AFF2: variants seen among roughly 807,000 people sequenced by gnomAD.
AFF2 encodes the protein AF4/FMR2 family member 2.
AFF2 carries 14 observed loss-of-function variants against 76.9 expected under a neutral mutation model. The observed-to-expected ratio is 0.18, with a 90% CI of 0.12 to 0.28. AFF2 has a LOEUF of 0.28. AFF2 is among the 10% of genes least tolerant of loss of function. The pLI is 1.00. For missense variants in AFF2, 868 were observed against 1,001.1 expected, an observed-to-expected ratio of 0.87 and a Z score of 1.79; for synonymous variants, 398 against 366.7, an observed-to-expected ratio of 1.09 and a Z score of -0.98.
At chrX:148,797,658 G>A (rs782206859) in intron 3 of AFF2, among the ~76,000 whole-genome samples, 1 of 111,065 alleles carries the variant, frequency 9.0e-6, no homozygotes, top group African/African-American at 3.3e-5. Flanking sequence ...TTTTCCTTTC[G>A]TGACTTTCTA....
rs1383706979 is a variant in AFF2 at position 148,576,704 on chromosome X, C to A, written c.48-75295C>A. The stretch of plus-strand genomic sequence containing the variant: ...GCACATTTTGAATATAACGTTTAAC[C>A]GAAAAGGTGGCTACCCACCAAAAAC... On this transcript the variant is annotated intron_variant, in intron 1 of 20. Coordinates refer to ENST00000370460, the MANE Select transcript of AFF2 (RefSeq NM_002025.4). Among the ~76,000 whole-genome samples, 3 of 110,606 alleles carry A rather than the reference C, an allele frequency of 2.7e-5. No homozygotes were observed. In the East Asian group the frequency reaches 8.6e-4, roughly 32 times the overall value.
chrX:148,766,684 T>C (rs1172578621), intron 3 of AFF2, among the ~76,000 whole-genome samples: 2 of 110,698 alleles, frequency 1.8e-5, no homozygotes, highest in Non-Finnish European at 3.8e-5. Flanking sequence ...TAGTTTCTTT[T>C]GCTGTGCAGA....
intron 2 of AFF2, among the ~76,000 whole-genome samples, chrX:148,652,426 A>C (rs1245505855): frequency 1.8e-5 from 2 of 111,342 alleles, no homozygotes; most frequent in Admixed American, 1.9e-4. Flanking sequence ...CCCCCTTGAC[A>C]CTTTCTACTG....
At chrX:148,690,619 C>G (rs1358011164) in intron 3 of AFF2, among the ~76,000 whole-genome samples, 1 of 112,297 alleles carries the variant, frequency 8.9e-6, no homozygotes, top group Non-Finnish European at 1.9e-5. Flanking sequence ...TTTAGAGGCA[C>G]TATGGCTTAC....
intron 7 of AFF2, among the ~76,000 whole-genome samples, chrX:148,875,254 G>C (rs141524587): frequency 1.0e-3 from 114 of 112,103 alleles, no homozygotes; most frequent in Middle Eastern, 4.6e-3. Flanking sequence ...TTTTCAATCA[G>C]GTTATAAAGC....
chrX:148,614,738 T>TTTTCTTTCTTTCTTTC lies in AFF2; in HGVS notation c.48-37222_48-37207dup, dbSNP rs563984440. 9.8e-4 allele frequency among the ~76,000 whole-genome samples: 54 copies of TTTTCTTTCTTTCTTTC among 55,282 alleles called. 2 individuals are homozygous for TTTTCTTTCTTTCTTTC. Among genetic ancestry groups the TTTTCTTTCTTTCTTTC allele is most frequent in the African/African-American group, 2.7e-3 (32 of 11,984 alleles). 48.0% of individuals were successfully genotyped at this position (55,282 alleles called of 115,157 possible). A position where few individuals can be genotyped will look rare whatever the true frequency, so the allele number is the denominator to read the frequency against. ...CTTTCTTTCTTTCTTTCTTTCCTTC[T>TTTTCTTTCTTTCTTTC]TTTCTTTCTTTCTTTCTTTCTTTCT... On this transcript the variant is annotated intron_variant, in intron 1 of 20. Coordinates refer to ENST00000370460, the MANE Select transcript of AFF2 (RefSeq NM_002025.4).
intron 1 of AFF2, among the ~76,000 whole-genome samples, chrX:148,611,871 T>C (rs2053737470): frequency 8.9e-6 from 1 of 111,926 alleles, no homozygotes; most frequent in East Asian, 2.8e-4. Context: ...TTTTTCCAAA[T>C]AATTATAATC....
At chrX:148,575,238 G>A (rs1179378433) in intron 1 of AFF2, among the ~76,000 whole-genome samples, 1 of 111,069 alleles carries the variant, frequency 9.0e-6, no homozygotes, top group East Asian at 2.8e-4. Flanking sequence ...AATAAAGGTT[G>A]TTTATTTGTG....
At chrX:148,844,030 C>T (rs782388428) in intron 7 of AFF2, among the ~76,000 whole-genome samples, 1 of 112,193 alleles carries the variant, frequency 8.9e-6, no homozygotes, top group Non-Finnish European at 1.9e-5. Context: ...TAAATACAGA[C>T]CAGGTCAATA....
intron 1 of AFF2, among the ~76,000 whole-genome samples, chrX:148,587,140 C>A (rs889055707): frequency 8.9e-6 from 1 of 111,957 alleles, no homozygotes; most frequent in South Asian, 3.7e-4. Flanking sequence ...CTCCATTACT[C>A]TGCTGAGGAT....
intron 1 of AFF2, among the ~76,000 whole-genome samples, chrX:148,581,228 G>GTATATGTATACGTATACACACA (rs2053375731): frequency 9.8e-5 from 2 of 20,451 alleles, no homozygotes; most frequent in African/African-American, 2.9e-4. Flanking sequence ...TATAATATAC[G>GTATATGTATACGTATACACACA]TATACGTATA....
intron 3 of AFF2, among the ~76,000 whole-genome samples, chrX:148,666,249 G>C (rs2054357903): frequency 8.9e-6 from 1 of 112,053 alleles, no homozygotes; most frequent in South Asian, 3.7e-4. Context: ...CAAAAGGTCA[G>C]CTTTTCAATT....
At chrX:148,895,688 T>A (rs2071276854) in intron 8 of AFF2, among the ~76,000 whole-genome samples, 1 of 110,601 alleles carries the variant, frequency 9.0e-6, no homozygotes, top group Admixed American at 9.6e-5. Flanking sequence ...GGCACACCAC[T>A]GCCCTCACCT....
chrX:148,868,367 T>C (rs1557277028), intron 7 of AFF2, among the ~76,000 whole-genome samples: 1 of 112,282 alleles, frequency 8.9e-6, no homozygotes, highest in Non-Finnish European at 1.9e-5. Context: ...TGAAGAATCC[T>C]AATTAGGGGA....
At chrX:148,594,934 C>T (rs1232321619) in intron 1 of AFF2, among the ~76,000 whole-genome samples, 1 of 111,891 alleles carries the variant, frequency 8.9e-6, no homozygotes, top group Non-Finnish European at 1.9e-5. Flanking sequence ...CAAATGCATA[C>T]ACCACCAGCT....
At chrX:148,791,959 A>G (rs113154282) in intron 3 of AFF2, among the ~76,000 whole-genome samples, 2 of 111,214 alleles carry the variant, frequency 1.8e-5, no homozygotes, top group African/African-American at 6.5e-5. Flanking sequence ...AAATAATGAA[A>G]CATCTTATAT....
chrX:148,703,538 A>G (rs2124517017), intron 3 of AFF2, among the ~76,000 whole-genome samples: 1 of 112,242 alleles, frequency 8.9e-6, no homozygotes, highest in South Asian at 3.6e-4. Context: ...ATTCTAGGTG[A>G]GGCATGGATT....
chrX:148,658,355 C>G (rs1048344988), intron 2 of AFF2, among the ~76,000 whole-genome samples: 1 of 112,142 alleles, frequency 8.9e-6, no homozygotes, highest in Non-Finnish European at 1.9e-5. Flanking sequence ...TCCTGTCACA[C>G]GTCCTTCCTT....
intron 1 of AFF2, among the ~76,000 whole-genome samples, chrX:148,538,115 C>T (rs898271749): frequency 8.0e-5 from 9 of 112,641 alleles, no homozygotes; most frequent in Admixed American, 1.9e-4. Flanking sequence ...GAAACACTGA[C>T]GGGTATTTGA....
Sources: gnomAD v4.1 joint callset for allele counts (sites outside exome capture counted in the v4.1 genomes callset) on GRCh38, gnomAD v4.1.1 for gene constraint, MANE v1.5 for transcripts, NCBI Gene and HGNC (gene_info 2026-07-23, HGNC 2026-07-21) for gene names.